TXLNB: variants seen among roughly 807,000 people sequenced by gnomAD.
The protein encoded by TXLNB is taxilin beta.
TXLNB carries 37 observed loss-of-function variants against 57.4 expected under a neutral mutation model. That is an observed-to-expected ratio of 0.64 (90% CI 0.50 to 0.85). TXLNB has a LOEUF of 0.85. Among genes scored for constraint, TXLNB ranks in the 40% least tolerant of loss-of-function variants. TXLNB has a pLI of 0.00. For synonymous variants in TXLNB, 302 were observed against 309.6 expected, an observed-to-expected ratio of 0.98 and a Z score of 0.26; for missense variants, 848 against 825.6, an observed-to-expected ratio of 1.03 and a Z score of -0.33.
At chr6:139,258,674 G>C (rs946672535) in intron 6 of TXLNB, among the ~76,000 whole-genome samples, 1 of 152,138 alleles carries the variant, frequency 6.6e-6, no homozygotes, top group African/African-American at 2.4e-5. Flanking sequence ...AGATCAAAAT[G>C]TGACATGGCC....
intron 2 of TXLNB, among the ~76,000 whole-genome samples, chr6:139,286,018 C>T (rs1191760803): frequency 2.0e-5 from 3 of 151,706 alleles, no homozygotes; most frequent in African/African-American, 7.3e-5. Flanking sequence ...TATTTCTTAT[C>T]TTTCAGTGGC....
the TXLNB span, among the ~76,000 whole-genome samples, chr6:139,181,384 T>G: frequency 6.6e-6 from 1 of 152,222 alleles, no homozygotes; most frequent in African/African-American, 2.4e-5. Flanking sequence ...CTGAGTAGCA[T>G]CATGAAATCT....
intron 5 of TXLNB, 40 bp downstream of exon 5, chr6:139,262,539 G>T: frequency 6.6e-7 from 1 of 1,504,228 alleles, no homozygotes; most frequent in Non-Finnish European, 9.0e-7. Flanking sequence ...CCCAGATCCG[G>T]ATCTATGTAC....
chr6:139,280,374 A>G (rs1008311534), intron 2 of TXLNB, among the ~76,000 whole-genome samples: 2 of 152,142 alleles, frequency 1.3e-5, no homozygotes, highest in African/African-American at 4.8e-5. Context: ...CATAGTAATG[A>G]TTGTTTATAC....
chr6:139,286,281 C>T (rs539125761), intron 2 of TXLNB, among the ~76,000 whole-genome samples: 225 of 150,208 alleles, frequency 1.5e-3, no homozygotes, highest in Admixed American at 3.8e-3. Context: ...AAGGTCTGGT[C>T]TAGGTTCTAG....
the TXLNB span, among the ~76,000 whole-genome samples, chr6:139,303,483 A>C: frequency 1.3e-5 from 2 of 152,184 alleles, no homozygotes; most frequent in Non-Finnish European, 2.9e-5. Flanking sequence ...TCAGGAAAGG[A>C]TGGAATGCAT....
intron 6 of TXLNB, among the ~76,000 whole-genome samples, chr6:139,256,389 G>T (rs1467963302): frequency 6.6e-6 from 1 of 152,172 alleles, no homozygotes; most frequent in Non-Finnish European, 1.5e-5. Context: ...GAATGCAGTG[G>T]TGTGACCTCA....
upstream of TXLNB, among the ~76,000 whole-genome samples, chr6:139,295,537 G>A (rs1777373250): frequency 6.6e-6 from 1 of 151,412 alleles, no homozygotes; most frequent in South Asian, 2.1e-4. Context: ...ACCTTGTGAT[G>A]CTTTCTAGAG....
chr6:139,290,385 C>T (rs764861856), intron 1 of TXLNB, among the ~76,000 whole-genome samples: 2 of 152,128 alleles, frequency 1.3e-5, no homozygotes, highest in Non-Finnish European at 2.9e-5. Context: ...GTCTCAAAAA[C>T]TAAACAAAAC....
chr6:139,290,709 A>G (rs1450517610), intron 1 of TXLNB, among the ~76,000 whole-genome samples: 1 of 152,220 alleles, frequency 6.6e-6, no homozygotes, highest in Non-Finnish European at 1.5e-5. Flanking sequence ...TAGGCCTTTA[A>G]GTTATGGTGC....
chr6:139,317,910 A>T, the TXLNB span, among the ~76,000 whole-genome samples: 14,560 of 152,088 alleles, frequency 0.096, 956 homozygotes, highest in African/African-American at 0.18. Flanking sequence ...AGAATTTTTT[A>T]AAAAATTTAA....
At chr6:139,245,584 C>T (rs990286622) in intron 8 of TXLNB, 1 of 152,136 alleles carries the variant, frequency 6.6e-6, no homozygotes, top group South Asian at 2.1e-4. Context: ...TGGGTACCCA[C>T]GGAGGCCAGA....
chr6:139,231,008 C>T, the TXLNB span, among the ~76,000 whole-genome samples: 1 of 152,134 alleles, frequency 6.6e-6, no homozygotes, highest in Non-Finnish European at 1.5e-5. Context: ...CATGCAACTA[C>T]AAGCATTCAT....
intron 4 of TXLNB, among the ~76,000 whole-genome samples, chr6:139,266,542 C>G (rs1488702462): frequency 6.6e-6 from 1 of 151,988 alleles, no homozygotes; most frequent in African/African-American, 2.4e-5. Context: ...ATAAGATAAT[C>G]TAAAAATAAA....
the TXLNB span, among the ~76,000 whole-genome samples, chr6:139,311,468 G>A: frequency 8.2e-6 from 1 of 121,922 alleles, no homozygotes; most frequent in Non-Finnish European, 1.6e-5. Context: ...ATAAGCCCAA[G>A]CCATGATTCT....
chr6:139,299,728 T>C, the TXLNB span, among the ~76,000 whole-genome samples: 1 of 152,106 alleles, frequency 6.6e-6, no homozygotes, highest in Non-Finnish European at 1.5e-5. Context: ...TGGAACATAG[T>C]GTTCCTAGAC....
the TXLNB span, among the ~76,000 whole-genome samples, chr6:139,312,461 T>C: frequency 6.6e-6 from 1 of 152,242 alleles, no homozygotes; most frequent in Non-Finnish European, 1.5e-5. Flanking sequence ...GAGATTAAAC[T>C]GTGAGGGTTG....
At chr6:139,287,758 C>T (rs895503740) in intron 2 of TXLNB, among the ~76,000 whole-genome samples, 3 of 152,182 alleles carry the variant, frequency 2.0e-5, no homozygotes, top group Admixed American at 6.5e-5. Context: ...TAAAAATTAA[C>T]GTTCTCACCC....
chr6:139,317,332 A>G, the TXLNB span, among the ~76,000 whole-genome samples: 4 of 152,078 alleles, frequency 2.6e-5, no homozygotes, highest in Non-Finnish European at 5.9e-5. Flanking sequence ...AAGAGACAGG[A>G]AAAAAAATGG....
Sources: allele counts gnomAD v4.1 joint callset (sites outside exome capture counted in the v4.1 genomes callset), GRCh38; gene constraint gnomAD v4.1.1; transcripts MANE v1.5; gene names NCBI Gene and HGNC (gene_info 2026-07-23, HGNC 2026-07-21).